Variants in PRPF3 observed in about 807,000 individuals in gnomAD.
The protein encoded by PRPF3 is U4/U6 small nuclear ribonucleoprotein Prp3.
In PRPF3, 3 loss-of-function variants were observed where a neutral mutation model predicts 89.2. That is an observed-to-expected ratio of 0.03 (90% CI 0.02 to 0.09). PRPF3 has a LOEUF of 0.09. Ranked by LOEUF, PRPF3 falls within the 10% of genes least tolerant of loss-of-function variation. The probability of loss-of-function intolerance (pLI) is 1.00; values close to 1 mark genes in which losing one functional copy is unlikely to be tolerated. For missense variants in PRPF3, 463 were observed against 828.8 expected, an observed-to-expected ratio of 0.56 and a Z score of 5.42; for synonymous variants, 270 against 289.1, an observed-to-expected ratio of 0.93 and a Z score of 0.67.
intron 7 of PRPF3, among the ~76,000 whole-genome samples, chr1:150,335,882 C>T (rs1553867436): frequency 1.3e-5 from 2 of 151,830 alleles, no homozygotes; most frequent in Admixed American, 6.6e-5. Flanking sequence ...AATTCTCCTG[C>T]CTCAGCCTCC....
intron 4 of PRPF3, among the ~76,000 whole-genome samples, chr1:150,331,511 C>T (rs1027103986): frequency 1.3e-5 from 2 of 151,780 alleles, no homozygotes; most frequent in Admixed American, 6.6e-5. Flanking sequence ...ATTACAGGCG[C>T]CCACCACCAC....
chr1:150,335,354 C>G, intron 7 of PRPF3, 113 bp downstream of exon 7: 2 of 1,269,798 alleles, frequency 1.6e-6, no homozygotes, highest in Non-Finnish European at 2.2e-6. Context: ...TTTAAAGCAG[C>G]AGTCCTCAAC....
intron 4 of PRPF3, among the ~76,000 whole-genome samples, chr1:150,332,061 A>G (rs1252913649): frequency 1.3e-5 from 2 of 151,980 alleles, no homozygotes; most frequent in African/African-American, 4.8e-5. Flanking sequence ...CATCTCTACT[A>G]AAAATACAAA....
intron 1 of PRPF3, among the ~76,000 whole-genome samples, chr1:150,323,595 A>G (rs1414556696): frequency 1.3e-5 from 2 of 148,592 alleles, no homozygotes; most frequent in African/African-American, 4.9e-5. Context: ...AGATTACGCC[A>G]CTGCACTCCA....
intron 7 of PRPF3, 133 bp from the exon 8 acceptor site, chr1:150,338,027 C>G: frequency 1.1e-6 from 1 of 877,712 alleles, no homozygotes; most frequent in Non-Finnish European, 1.8e-6. Context: ...TTAGCCAAGA[C>G]CATGCCATTG....
intron 2 of PRPF3, 61 bp from the exon 3 acceptor site, chr1:150,325,690 C>A (rs1461988530): frequency 1.5e-5 from 23 of 1,584,534 alleles, no homozygotes; most frequent in Non-Finnish European, 1.8e-5. Context: ...CTGTTATAGG[C>A]CTAGTATTAG....
intron 9 of PRPF3, among the ~76,000 whole-genome samples, chr1:150,341,105 CAAAAAAAAAAAAAAAAA>C (rs71086503): frequency 4.6e-5 from 4 of 86,738 alleles, no homozygotes; most frequent in African/African-American, 1.7e-4. Flanking sequence ...GACCTTGTCT[CAAAAAAAAAAAAAAAAA>C]AAAAAGAAGA....
intron 1 of PRPF3, among the ~76,000 whole-genome samples, chr1:150,323,886 C>T (rs1202636226): frequency 6.7e-6 from 1 of 149,238 alleles, no homozygotes; most frequent in Non-Finnish European, 1.5e-5. Flanking sequence ...AAGTGATTCT[C>T]TTGTCTCAGC....
Position 150,324,891 on chromosome 1 carries a change from T to TTTTTAGG in PRPF3, c.-48-3_-48-2insTTTAGGT. 1.9e-6 allele frequency: 3 copies of TTTTTAGG among 1,579,486 alleles called. No homozygotes were observed. The highest frequency in any genetic ancestry group is 1.2e-5 in the South Asian group (1 of 86,384). Reference sequence around the variant, plus strand: ...TCTCTAACTTGTCTCTTTTTTTTTTTTAGGTGTAGTATTGAGTCCTGTTTG... The same window carrying TTTTTAGG: ...TCTCTAACTTGTCTCTTTTTTTTTTTTTTTAGGTAGGTGTAGTATTGAGTCCTGTTTG... On this transcript the variant is annotated splice_region_variant and splice_polypyrimidine_tract_variant and intron_variant, in intron 1 of 15. Coordinates refer to ENST00000324862, the MANE Select transcript of PRPF3 (RefSeq NM_004698.4).
chr1:150,325,926 T>C, intron 3 of PRPF3, 45 bp downstream of exon 3: 2 of 1,604,582 alleles, frequency 1.2e-6, no homozygotes, highest in Non-Finnish European at 1.7e-6. Context: ...CTGTTTTGAA[T>C]GGTAACAGAG....
At chr1:150,338,136 T>C in intron 7 of PRPF3, 24 bp from the exon 8 acceptor site, 4 of 1,613,046 alleles carry the variant, frequency 2.5e-6, no homozygotes, top group Non-Finnish European at 3.4e-6. Context: ...TTTATCTTTC[T>C]GTCTTGGATT....
intron 2 of PRPF3, 143 bp downstream of exon 2, chr1:150,325,230 A>G: frequency 1.1e-6 from 1 of 889,524 alleles, no homozygotes; most frequent in East Asian, 2.8e-5. Flanking sequence ...TAGTGAAAAT[A>G]GGCTAAATAA....
chr1:150,335,687 A>G (rs587666274), intron 7 of PRPF3, among the ~76,000 whole-genome samples: 12 of 150,052 alleles, frequency 8.0e-5, no homozygotes, highest in Non-Finnish European at 1.5e-4. Flanking sequence ...CTGGTCTCGA[A>G]CTCCTGACCT....
rs1659105600 is a variant in PRPF3, at chr1:150,353,060, C to T, written c.*81C>T. 3.8e-6 allele frequency: 6 copies of T among 1,575,162 alleles called. No homozygotes were observed. The highest frequency in any genetic ancestry group is 4.5e-5 in the East Asian group (2 of 44,652). ...CTTATTCTATTTCCCAACCCCCTCC[C>T]ACTTGTTTGTGTGATCTCAGAACTG... On this transcript the variant is annotated 3_prime_UTR_variant, in exon 16 of 16. Transcript: ENST00000324862.
At chr1:150,323,756 A>G (rs949265215) in intron 1 of PRPF3, among the ~76,000 whole-genome samples, 1 of 150,338 alleles carries the variant, frequency 6.7e-6, no homozygotes, top group Non-Finnish European at 1.5e-5. Flanking sequence ...GAATATGACC[A>G]CAGAGAAATG....
intron 14 of PRPF3, among the ~76,000 whole-genome samples, chr1:150,348,422 G>C (rs1658517622): frequency 7.9e-6 from 1 of 127,056 alleles, no homozygotes; most frequent in South Asian, 2.6e-4. Flanking sequence ...TTCATCTTAA[G>C]ATACCTGAGA....
intron 1 of PRPF3, among the ~76,000 whole-genome samples, chr1:150,323,173 C>CTTTTTTTT (rs71083901): frequency 0.035 from 1,690 of 48,280 alleles, 441 homozygotes; most frequent in Admixed American, 0.051. Context: ...CCGCACCTGG[C>CTTTTTTTT]TTTTTTTTTT....
At chr1:150,342,817 G>A (rs190433618) in intron 9 of PRPF3, among the ~76,000 whole-genome samples, 1 of 152,116 alleles carries the variant, frequency 6.6e-6, no homozygotes, top group Admixed American at 6.5e-5. Context: ...CACCGCACCT[G>A]GCCTCAATAT....
At chr1:150,350,362 T>C (rs1348788109) in intron 15 of PRPF3, among the ~76,000 whole-genome samples, 2 of 151,914 alleles carry the variant, frequency 1.3e-5, no homozygotes, top group South Asian at 2.1e-4. Context: ...CCACCACGCC[T>C]GGCTAATTTT....
Sources: allele counts gnomAD v4.1 joint callset (sites outside exome capture counted in the v4.1 genomes callset), GRCh38; gene constraint gnomAD v4.1.1; transcripts MANE v1.5; gene names NCBI Gene and HGNC (gene_info 2026-07-23, HGNC 2026-07-21).